Variants in TET3 observed in about 807,000 individuals in gnomAD.
TET3 encodes the protein methylcytosine dioxygenase TET3.
A neutral mutation model predicts 141.4 loss-of-function variants in TET3; 19 were observed. The observed-to-expected ratio is 0.13, with a 90% CI of 0.09 to 0.20. The LOEUF is 0.20. Ranked by LOEUF, TET3 falls within the 10% of genes least tolerant of loss-of-function variation. TET3 has a pLI of 1.00. For synonymous variants in TET3, 1,043 were observed against 980.9 expected (o/e 1.06, Z -1.18); for missense variants, 1,874 against 2,356.9 (o/e 0.80, Z 4.24).
intron 2 of TET3, among the ~76,000 whole-genome samples, chr2:73,987,510 C>T (rs1684097040): frequency 6.6e-6 from 1 of 152,194 alleles, no homozygotes; most frequent in African/African-American, 2.4e-5. Flanking sequence ...TAGTGGCGGA[C>T]TGCCGGCTTG....
In TET3 at chr2:73,997,550, G is replaced by C. The variant is rs144838315; in HGVS notation, c.304-5560G>C. ...CCAGTGGGAGAAGAGCTGGTGCCAGGAGGACAAGGAGAGAGAGACACCTTC... is the reference window on the plus strand; with the variant it reads ...CCAGTGGGAGAAGAGCTGGTGCCAGCAGGACAAGGAGAGAGAGACACCTTC... On this transcript the variant is annotated intron_variant, in intron 2 of 11. Coordinates refer to ENST00000409262, the MANE Select transcript of TET3 (RefSeq NM_001287491.2). 1.1e-4 allele frequency among the ~76,000 whole-genome samples: 16 copies of C among 152,278 alleles called. 1 individual carries two copies. Among genetic ancestry groups the C allele is most frequent in the African/African-American group, 3.6e-4 (15 of 41,544 alleles).
intron 4 of TET3, among the ~76,000 whole-genome samples, chr2:74,064,975 C>T (rs1227795852): frequency 6.6e-6 from 1 of 152,204 alleles, no homozygotes; most frequent in Non-Finnish European, 1.5e-5. Flanking sequence ...GTGCCCCAAC[C>T]TCCATGTTGT....
At chr2:74,132,291 T>G in the TET3 span, among the ~76,000 whole-genome samples, 3 of 152,100 alleles carry the variant, frequency 2.0e-5, no homozygotes, top group Admixed American at 2.0e-4. Flanking sequence ...TCCTGGGAAC[T>G]CCAAAAGAAA....
chr2:74,019,569 C>T (rs1270583972), intron 3 of TET3, among the ~76,000 whole-genome samples: 1 of 152,188 alleles, frequency 6.6e-6, no homozygotes, highest in East Asian at 1.9e-4. Flanking sequence ...CATTTCATGT[C>T]ACCAGTACCT....
chr2:74,059,436 G>C (rs940542596), intron 4 of TET3, among the ~76,000 whole-genome samples: 2 of 151,646 alleles, frequency 1.3e-5, no homozygotes, highest in South Asian at 4.2e-4. Flanking sequence ...TATTTTTTTA[G>C]TAGAGACAGG....
the TET3 span, among the ~76,000 whole-genome samples, chr2:74,133,768 G>A: frequency 5.9e-5 from 9 of 152,000 alleles, no homozygotes; most frequent in Admixed American, 1.3e-4. Context: ...TTTTTGAGAC[G>A]GAGTCTTGCT....
chr2:74,032,483 G>GCGCGCGCGCGCGA (rs36143111), intron 3 of TET3, among the ~76,000 whole-genome samples: 22 of 150,554 alleles, frequency 1.5e-4, no homozygotes, highest in South Asian at 6.3e-4. Context: ...GTGTGTGTGT[G>GCGCGCGCGCGCGA]TGTGTGTGTG....
At chr2:74,002,121 G>A (rs1034286152) in intron 2 of TET3, among the ~76,000 whole-genome samples, 4 of 152,186 alleles carry the variant, frequency 2.6e-5, no homozygotes, top group Admixed American at 2.6e-4. Context: ...GGTCTTCAGA[G>A]CCGACAGACC....
At chr2:73,994,638 CTTTTTTTTTTT>C (rs572235939) in intron 2 of TET3, among the ~76,000 whole-genome samples, 1 of 96,750 alleles carries the variant, frequency 1.0e-5, no homozygotes, top group South Asian at 2.9e-4. Context: ...TTCTTTCTTT[CTTTTTTTTTTT>C]TTTTTTTGAT....
rs1487876812 is a variant in TET3, at chr2:74,101,952, G to T, written c.5164G>T (p.Ala1722Ser). Residue 1722 changes from alanine (A) to serine (S), a missense_variant, in exon 12 of 12, where the codon GCA becomes TCA. By Grantham distance (99) the Ala-to-Ser change is moderately conservative. This residue lies in a region of TET3 where 113 missense variants were observed against 114.3 expected (regional missense o/e 0.99). Coordinates refer to ENST00000409262, the MANE Select transcript of TET3 (RefSeq NM_001287491.2). This position sits in a 1 kb window ranked among gnomAD's most constrained non-coding sequence, Gnocchi z 8.5. ...KMKQLAERAR[A>S]RQEEAARLGL... ...GAAGCAGCTGGCGGAGAGGGCACGG[G>T]CACGGCAGGAGGAGGCTGCCCGGCT... The T allele has an allele frequency of 6.2e-7, 1 of 1,611,962 alleles. No individual in the cohort carries two copies. The highest frequency in any genetic ancestry group is 1.1e-5 in the South Asian group (1 of 91,024).
In TET3 at chr2:74,107,274, CAG is replaced by C. The variant is rs1408200002; in HGVS notation, c.*5102_*5103del. The C allele has an allele frequency of 6.6e-6, 1 of 152,274 alleles. No individual in the cohort carries two copies. Among genetic ancestry groups the C allele is most frequent in the Non-Finnish European group, 1.5e-5 (1 of 68,040 alleles). The allele number at this position is 152,274 out of a possible 1,614,324, so 9.4% of individuals were successfully genotyped here. A position where few individuals can be genotyped will look rare whatever the true frequency, so the allele number is the denominator to read the frequency against. ...CAGAGCAATAGGCTTCTCCCCTGAG[CAG>C]AGACCGCAGCACAGAAATGCAAGGT... On this transcript the variant is annotated 3_prime_UTR_variant, in exon 12 of 12. Transcript: ENST00000409262.
chr2:74,016,321 A>T (rs1376050603), intron 3 of TET3, among the ~76,000 whole-genome samples: 1 of 151,878 alleles, frequency 6.6e-6, no homozygotes. Flanking sequence ...AAAAAAAAAA[A>T]TTCAATGGAC....
chr2:73,994,785 G>C (rs1028048204), intron 2 of TET3, among the ~76,000 whole-genome samples: 4 of 151,196 alleles, frequency 2.6e-5, no homozygotes, highest in Non-Finnish European at 5.9e-5. Context: ...TTACAGGCAC[G>C]TGTCACCGTG....
At chr2:74,080,706 T>G (rs12328541) in intron 6 of TET3, 115 bp downstream of exon 6, 56,992 of 173,036 alleles carry the variant, frequency 0.33, 10,733 homozygotes, top group African/African-American at 0.56. Flanking sequence ...GGGCGGGGGG[T>G]GGGGCCAGGT....
intron 3 of TET3, among the ~76,000 whole-genome samples, chr2:74,011,010 G>A (rs1436550703): frequency 6.6e-6 from 1 of 152,034 alleles, no homozygotes; most frequent in African/African-American, 2.4e-5. Flanking sequence ...GGCTGAGGTG[G>A]CCAGATCATG....
intron 3 of TET3, among the ~76,000 whole-genome samples, chr2:74,026,099 C>T (rs1045974220): frequency 1.3e-5 from 2 of 152,260 alleles, no homozygotes; most frequent in South Asian, 2.1e-4. Flanking sequence ...CTGCCTTCTG[C>T]TCTCCCCTTT....
downstream of TET3, among the ~76,000 whole-genome samples, chr2:74,112,247 T>A (rs2104296630): frequency 6.6e-6 from 1 of 152,258 alleles, no homozygotes; most frequent in East Asian, 1.9e-4. Flanking sequence ...CCATTTGGTG[T>A]CTTTTATCTG....
At chr2:74,001,441 G>A (rs779701027) in intron 2 of TET3, among the ~76,000 whole-genome samples, 8 of 152,220 alleles carry the variant, frequency 5.3e-5, no homozygotes, top group Non-Finnish European at 1.0e-4. Flanking sequence ...TTCACCTGCA[G>A]TGAATCCTCA....
At position 74,093,697 on chromosome 2, in the gene TET3, G is replaced by T. The variant is rs1050667711; in HGVS notation, c.3267+31G>T. The stretch of plus-strand genomic sequence containing the variant: ...CCTGTGCCCTGTCATAGCCCCACCT[G>T]TGGGGCAACTGTGGGAGGGAGTCCA... On this transcript the variant is annotated intron_variant, in intron 10 of 11. Transcript: ENST00000409262. This position sits in a 1 kb window ranked among gnomAD's most constrained non-coding sequence, Gnocchi z 4.2. 2.6e-6 allele frequency: 4 copies of T among 1,539,648 alleles called. No individual in the cohort carries two copies. The highest frequency in any genetic ancestry group is 3.5e-6 in the Non-Finnish European group (4 of 1,135,484).
Sources: allele counts gnomAD v4.1 joint callset (sites outside exome capture counted in the v4.1 genomes callset), GRCh38; gene constraint gnomAD v4.1.1; regional missense constraint gnomAD v4.1.1; non-coding constraint Gnocchi (gnomAD v3.1); transcripts MANE v1.5; gene names NCBI Gene and HGNC (gene_info 2026-07-23, HGNC 2026-07-21).